Variants in FAXC observed in about 807,000 individuals in gnomAD.
FAXC encodes failed axon connections homolog.
Under a neutral mutation model 41.9 loss-of-function variants are expected in FAXC, and 10 were observed. That is an observed-to-expected ratio of 0.24 (90% confidence interval 0.15 to 0.41). The LOEUF (loss-of-function observed/expected upper bound fraction) is 0.41. Ranked by LOEUF, FAXC falls within the 10% of genes least tolerant of loss-of-function variation. The probability of loss-of-function intolerance (pLI) is 1.00; values close to 1 mark genes in which losing one functional copy is unlikely to be tolerated. For missense variants in FAXC, 399 were observed against 510.9 expected, an observed-to-expected ratio of 0.78 and a Z score of 2.11; for synonymous variants, 183 against 183.8, an observed-to-expected ratio of 1.00 and a Z score of 0.03.
intron 2 of FAXC, 91 bp downstream of exon 2, chr6:99,342,807 A>C: frequency 1.6e-6 from 2 of 1,274,876 alleles, no homozygotes; most frequent in Non-Finnish European, 2.2e-6. Context: ...TCTGGCATCC[A>C]CTGTGTGAGA....
At chr6:99,300,697 G>C (rs554466084) in intron 4 of FAXC, among the ~76,000 whole-genome samples, 3 of 152,200 alleles carry the variant, frequency 2.0e-5, no homozygotes, top group Non-Finnish European at 2.9e-5. Flanking sequence ...TCCAGGACAG[G>C]CTTTCCCATC....
rs11274408 is a variant in FAXC at position 99,288,847 on chromosome 6, G to GAC, written c.940+2855_940+2856dup. On this transcript the variant is annotated intron_variant, in intron 5 of 5. Transcript: ENST00000389677. The stretch of plus-strand genomic sequence containing the variant: ...AACCTCCTGGGCATGCACATGAATC[G>GAC]ACACACACACATACACACACACACA... Among the ~76,000 whole-genome samples the GAC allele has an allele frequency of 3.5e-3, 245 of 69,530 alleles. 2 individuals carry two copies. The highest frequency in any genetic ancestry group is 0.023 in the African/African-American group (234 of 10,296). 45.6% of individuals were successfully genotyped at this position (69,530 alleles called of 152,430 possible). A position where few individuals can be genotyped will look rare whatever the true frequency, so the allele number is the denominator to read the frequency against.
rs528446770 is a variant in FAXC at position 99,283,491 on chromosome 6, C to A, written c.941-2038G>T. Among the ~76,000 whole-genome samples the A allele has an allele frequency of 3.3e-5, 5 of 152,334 alleles. No individual in the cohort carries two copies. In the East Asian group the frequency reaches 9.6e-4, roughly 29 times the overall value. ...CCATGGACATGTACTGGCTCCAGGT[C>A]ACCATTTCCAGTCTTCTCAAATTAT... On this transcript the variant is annotated intron_variant, in intron 5 of 5. Coordinates refer to ENST00000389677, the MANE Select transcript of FAXC (RefSeq NM_032511.4).
Position 99,272,146 on chromosome 6 carries a change from ATGTG to A in FAXC, c.*9014_*9017del, listed in dbSNP as rs10527054. The A allele has an allele frequency of 0.021, 2,962 of 143,928 alleles. 77 individuals carry two copies. Among genetic ancestry groups the A allele is most frequent in the African/African-American group, 0.055 (2,131 of 38,984 alleles). The allele number at this position is 143,928 out of a possible 1,614,324, so 8.9% of individuals were successfully genotyped here. A position where few individuals can be genotyped will look rare whatever the true frequency, so the allele number is the denominator to read the frequency against. On this transcript the variant is annotated 3_prime_UTR_variant, in exon 6 of 6. Transcript: ENST00000389677. ...AGGTATGAAAACTAATTGAGACTAT[ATGTG>A]TGTGTGTGTGTGTGTGTGTGTGTGT...
At chr6:99,335,309 GAAATAATAGTTTCTTTTTAT>G (rs1773177292) in intron 2 of FAXC, among the ~76,000 whole-genome samples, 1 of 152,206 alleles carries the variant, frequency 6.6e-6, no homozygotes, top group South Asian at 2.1e-4. Flanking sequence ...ATAAGTGTTA[GAAATAATAGTTTCTTTTTAT>G]TAAAGACTAA....
At position 99,278,435 on chromosome 6, in the gene FAXC, T is replaced by A. The variant is rs1470083406; in HGVS notation, c.*2729A>T. The A allele has an allele frequency of 2.0e-5, 3 of 152,174 alleles. No individual in the cohort carries two copies. Among genetic ancestry groups the A allele is most frequent in the African/African-American group, 7.2e-5 (3 of 41,440 alleles). The allele number at this position is 152,174 out of a possible 1,614,324, so 9.4% of individuals were successfully genotyped here. A position where few individuals can be genotyped will look rare whatever the true frequency, so the allele number is the denominator to read the frequency against. ...AAAGATCACATACTTCAAGTTACCTTCCAGCAAAAAGGAAACACAGAACTT... is the reference window on the plus strand; with the variant it reads ...AAAGATCACATACTTCAAGTTACCTACCAGCAAAAAGGAAACACAGAACTT... On this transcript the variant is annotated 3_prime_UTR_variant, in exon 6 of 6. Coordinates refer to ENST00000389677, the MANE Select transcript of FAXC (RefSeq NM_032511.4).
chr6:99,342,084 TCTTC>T (rs981951873), intron 2 of FAXC, among the ~76,000 whole-genome samples: 6 of 152,224 alleles, frequency 3.9e-5, no homozygotes, highest in African/African-American at 1.2e-4. Flanking sequence ...AGTACACTCC[TCTTC>T]CTTATTTACT....
Position 99,333,361 on chromosome 6 carries a change from G to C in FAXC, c.589C>G (p.His197Asp). 1 of 1,611,516 alleles carries C rather than the reference G, an allele frequency of 6.2e-7. No homozygotes were observed. The highest frequency in any genetic ancestry group is 1.1e-5 in the South Asian group (1 of 90,436). The change falls in exon 3 of 6, where the codon CAC becomes GAC. Residue 197 changes from histidine to aspartate, a missense_variant. This residue lies in a region of FAXC where 239 missense variants were observed against 352.7 expected (regional missense o/e 0.68). Transcript: ENST00000389677. Reference sequence around the variant, plus strand: ...CCAGAGGGGACTCACCAGTAGAAGTGCTCCTCCACCATCTTGGTCACCGCT... The same window carrying C: ...CCAGAGGGGACTCACCAGTAGAAGTCCTCCTCCACCATCTTGGTCACCGCT... ...SRAVTKMVEE[H>D]FYWTLAYCQW...
chr6:99,318,263 ACACACACACACAC>A (rs1772445520), intron 4 of FAXC, among the ~76,000 whole-genome samples: 26 of 124,564 alleles, frequency 2.1e-4, no homozygotes, highest in East Asian at 4.4e-4. Context: ...CGTCTCAAAC[ACACACACACACAC>A]ACACACACAC....
chr6:99,331,185 T>C (rs1773012885), intron 3 of FAXC, among the ~76,000 whole-genome samples: 1 of 152,134 alleles, frequency 6.6e-6, no homozygotes, highest in South Asian at 2.1e-4. Flanking sequence ...AAATTAACCA[T>C]TGAGAAGACA....
rs116824899 is a variant in FAXC, at chr6:99,339,936, T to G, written c.402+2962A>C. The stretch of plus-strand genomic sequence containing the variant: ...AAATTGATAATTAATTCTCCAGAAT[T>G]CAAAAGAGATGAAAGACCTCAGATA... On this transcript the variant is annotated intron_variant, in intron 2 of 5. Coordinates refer to ENST00000389677, the MANE Select transcript of FAXC (RefSeq NM_032511.4). 2.8e-3 allele frequency among the ~76,000 whole-genome samples: 427 copies of G among 152,064 alleles called. 2 individuals are homozygous for G. The highest frequency in any genetic ancestry group is 9.7e-3 in the African/African-American group (403 of 41,492).
chr6:99,333,199 C>A (rs1773091423), intron 3 of FAXC, 152 bp downstream of exon 3: 5 of 627,992 alleles, frequency 8.0e-6, no homozygotes, highest in Non-Finnish European at 1.3e-5. Flanking sequence ...CCAGAAACTT[C>A]ACAGTCATAA....
At chr6:99,304,834 A>C (rs1052001307) in intron 4 of FAXC, among the ~76,000 whole-genome samples, 2 of 152,200 alleles carry the variant, frequency 1.3e-5, no homozygotes, top group Admixed American at 1.3e-4. Flanking sequence ...CAAGTATAAC[A>C]CAGCACTCCC....
At chr6:99,293,887 G>A (rs1019145444) in intron 4 of FAXC, among the ~76,000 whole-genome samples, 1 of 152,054 alleles carries the variant, frequency 6.6e-6, no homozygotes, top group African/African-American at 2.4e-5. Flanking sequence ...CACCGTTCTT[G>A]AGTGACAAGC....
intron 3 of FAXC, among the ~76,000 whole-genome samples, chr6:99,325,301 A>C (rs555893379): frequency 6.6e-6 from 1 of 152,282 alleles, no homozygotes; most frequent in East Asian, 1.9e-4. Context: ...ATTTCTCTAA[A>C]ATTGCTGGAT....
chr6:99,300,399 G>A (rs1771659793), intron 4 of FAXC, among the ~76,000 whole-genome samples: 1 of 152,172 alleles, frequency 6.6e-6, no homozygotes, highest in African/African-American at 2.4e-5. Context: ...GCCTACTCAG[G>A]CTCACTTACA....
At chr6:99,331,157 CCTCA>C (rs1457178700) in intron 3 of FAXC, among the ~76,000 whole-genome samples, 5 of 152,126 alleles carry the variant, frequency 3.3e-5, no homozygotes, top group African/African-American at 9.7e-5. Flanking sequence ...TGCCTCCCAC[CCTCA>C]CTATTTTTTC....
intron 5 of FAXC, among the ~76,000 whole-genome samples, chr6:99,286,296 C>G (rs1221842627): frequency 1.3e-5 from 2 of 152,164 alleles, no homozygotes; most frequent in Non-Finnish European, 2.9e-5. Flanking sequence ...AATATTAATT[C>G]ACAGATCTCC....
intron 4 of FAXC, among the ~76,000 whole-genome samples, chr6:99,301,762 G>C (rs1771717787): frequency 6.6e-6 from 1 of 152,092 alleles, no homozygotes; most frequent in Non-Finnish European, 1.5e-5. Flanking sequence ...TAAATAACTT[G>C]AGGCAACTGA....
Sources: gnomAD v4.1 joint callset for allele counts (sites outside exome capture counted in the v4.1 genomes callset) on GRCh38, gnomAD v4.1.1 for gene constraint, gnomAD v4.1.1 regional missense constraint, MANE v1.5 for transcripts, NCBI Gene and HGNC (gene_info 2026-07-23, HGNC 2026-07-21) for gene names.